Variants in DOCK1 observed in about 807,000 individuals in gnomAD.
DOCK1 encodes the protein dedicator of cytokinesis 1.
In DOCK1, 138 loss-of-function variants were observed where a neutral mutation model predicts 262.7. That is an observed-to-expected ratio of 0.53 (90% CI 0.46 to 0.61). The LOEUF (loss-of-function observed/expected upper bound fraction) is 0.61, where lower values mean the gene tolerates loss of function less well. DOCK1 is among the 20% of genes least tolerant of loss of function. DOCK1 has a pLI of 0.00. For synonymous variants in DOCK1, 866 were observed against 867.4 expected (o/e 1.00, Z 0.03); for missense variants, 1,908 against 2,370.7 (o/e 0.80, Z 4.05).
At chr10:126,972,316 G>A (rs1388540163) in intron 2 of DOCK1, among the ~76,000 whole-genome samples, 1 of 152,072 alleles carries the variant, frequency 6.6e-6, no homozygotes, top group East Asian at 1.9e-4. Flanking sequence ...TTTTGTGTTT[G>A]CAAATAATTT....
chr10:127,299,957 C>T (rs955098974), intron 29 of DOCK1, among the ~76,000 whole-genome samples: 1 of 152,198 alleles, frequency 6.6e-6, no homozygotes, highest in African/African-American at 2.4e-5. Flanking sequence ...TCTCAGGCTC[C>T]ATGGCATTTC....
intron 29 of DOCK1, among the ~76,000 whole-genome samples, chr10:127,271,558 G>T (rs1266276358): frequency 6.6e-6 from 1 of 152,128 alleles, no homozygotes; most frequent in Admixed American, 6.5e-5. Flanking sequence ...TGTTTTTCAT[G>T]CAAGACCCTT....
At chr10:127,343,474 G>A (rs1329739493) in intron 30 of DOCK1, among the ~76,000 whole-genome samples, 172 bp from the exon 31 acceptor site, 3 of 152,178 alleles carry the variant, frequency 2.0e-5, no homozygotes, top group East Asian at 1.9e-4. Context: ...ACACGCTAAG[G>A]CCTGAATTAC....
At chr10:126,960,745 T>TATATATATATACACAC (rs1429186588) in intron 1 of DOCK1, among the ~76,000 whole-genome samples, 4 of 115,524 alleles carry the variant, frequency 3.5e-5, no homozygotes, top group African/African-American at 1.6e-4. Context: ...TATATATATA[T>TATATATATATACACAC]ACACACACAC....
intron 23 of DOCK1, among the ~76,000 whole-genome samples, chr10:127,076,334 T>C (rs2046546408): frequency 6.6e-6 from 1 of 152,164 alleles, no homozygotes; most frequent in Non-Finnish European, 1.5e-5. Flanking sequence ...ACCCCGTCTC[T>C]ACTAAAAATA....
intron 29 of DOCK1, among the ~76,000 whole-genome samples, chr10:127,330,569 A>G (rs1441930676): frequency 1.3e-5 from 2 of 152,174 alleles, no homozygotes; most frequent in East Asian, 3.9e-4. Context: ...TGATCTGGCA[A>G]TTCCACTTCT....
At chr10:127,365,219 C>T (rs1590716008) in intron 33 of DOCK1, among the ~76,000 whole-genome samples, 1 of 152,334 alleles carries the variant, frequency 6.6e-6, no homozygotes, top group East Asian at 1.9e-4. Flanking sequence ...AATAACTGTG[C>T]AGTGAACACA....
chr10:126,934,036 C>T (rs1295247329), intron 1 of DOCK1, among the ~76,000 whole-genome samples: 10 of 152,216 alleles, frequency 6.6e-5, no homozygotes, highest in Middle Eastern at 3.4e-3. Flanking sequence ...AGGCTGGTTT[C>T]GAACTCCTGA....
At chr10:126,949,275 G>A (rs1220842321) in intron 1 of DOCK1, among the ~76,000 whole-genome samples, 1 of 152,136 alleles carries the variant, frequency 6.6e-6, no homozygotes, top group African/African-American at 2.4e-5. Context: ...GGGGAATGGG[G>A]AGCCGCAGGA....
At chr10:126,919,956 T>C (rs1311490863) in intron 1 of DOCK1, among the ~76,000 whole-genome samples, 2 of 152,136 alleles carry the variant, frequency 1.3e-5, no homozygotes, top group Non-Finnish European at 2.9e-5. Context: ...GGTGGGGAGT[T>C]ACGTCTTGGA....
chr10:127,136,302 A>C (rs2050690653), intron 27 of DOCK1: 1 of 152,212 alleles, frequency 6.6e-6, no homozygotes, highest in Non-Finnish European at 1.5e-5. Flanking sequence ...GGCAAGAAGC[A>C]GCTCCAATCT....
chr10:126,934,164 C>T (rs1237679305), intron 1 of DOCK1, among the ~76,000 whole-genome samples: 1 of 152,062 alleles, frequency 6.6e-6, no homozygotes, highest in Non-Finnish European at 1.5e-5. Context: ...CTAAGTTTCA[C>T]TCTTGTTGCC....
rs944518108 is a variant in DOCK1, at chr10:127,052,771, A to G, written c.2292A>G (p.Glu764=). The change falls in exon 22 of 52, where the codon GAA becomes GAG. Residue 764 remains glutamate, a synonymous_variant. Transcript: ENST00000623213. ...EQLYKAMKAL[E]SIFKFIVRSR... is the part of the protein sequence containing the mutation. ...TGTACAAAGCCATGAAAGCGCTAGA[A>G]TCCATCTTCAAGTTCATCGTGCGCT... 8 of 1,613,798 alleles carry G rather than the reference A, an allele frequency of 5.0e-6. No individual in the cohort carries two copies. The African/African-American group carries it at 9.3e-5, about 19-fold the overall frequency.
At chr10:127,126,025 T>C (rs2049931304) in intron 26 of DOCK1, among the ~76,000 whole-genome samples, 1 of 151,674 alleles carries the variant, frequency 6.6e-6, no homozygotes, top group Non-Finnish European at 1.5e-5. Flanking sequence ...GCAGCTCTTT[T>C]CCTCCCCTCA....
chr10:127,084,349 C>A (rs1432048262), intron 23 of DOCK1, among the ~76,000 whole-genome samples: 20 of 152,314 alleles, frequency 1.3e-4, no homozygotes, highest in Admixed American at 1.3e-3. Flanking sequence ...CCCTCTCTCA[C>A]CAGCAAGCGG....
rs762238172 is a variant in DOCK1, at chr10:127,409,525, T to C, written c.4343+134T>C. 8.8e-6 allele frequency: 8 copies of C among 910,362 alleles called. 1 individual carries two copies. The highest frequency in any genetic ancestry group is 1.4e-5 in the Non-Finnish European group (8 of 590,426). The allele number at this position is 910,362 out of a possible 1,614,324, so 56.4% of individuals were successfully genotyped here. A position where few individuals can be genotyped will look rare whatever the true frequency, so the allele number is the denominator to read the frequency against. ...TTTCCAAATGCTCTTTCTGTCCTCT[T>C]TGAAGAGCAAGGGAAGCTAATTATT... is the stretch of plus-strand genomic sequence containing the variant. On this transcript the variant is annotated intron_variant, in intron 42 of 51. Coordinates refer to ENST00000623213, the MANE Select transcript of DOCK1 (RefSeq NM_001290223.2).
intron 31 of DOCK1, among the ~76,000 whole-genome samples, chr10:127,348,763 T>G (rs758927608): frequency 6.6e-6 from 1 of 152,172 alleles, no homozygotes; most frequent in Non-Finnish European, 1.5e-5. Flanking sequence ...CTGCAGAATC[T>G]TCTCCAGAAG....
At chr10:127,393,573 C>T (rs376255462) in intron 38 of DOCK1, among the ~76,000 whole-genome samples, 2 of 152,148 alleles carry the variant, frequency 1.3e-5, no homozygotes, top group South Asian at 2.1e-4. Flanking sequence ...CTGTGCTCCC[C>T]GGGAGAGTGG....
chr10:127,036,432 C>A (rs948826125), intron 18 of DOCK1, among the ~76,000 whole-genome samples: 1 of 152,084 alleles, frequency 6.6e-6, no homozygotes, highest in African/African-American at 2.4e-5. Context: ...TGATTTTCTA[C>A]CTATAGTCAC....
Sources: allele counts gnomAD v4.1 joint callset (sites outside exome capture counted in the v4.1 genomes callset), GRCh38; gene constraint gnomAD v4.1.1; transcripts MANE v1.5; gene names NCBI Gene and HGNC (gene_info 2026-07-23, HGNC 2026-07-21).